The following PDCD11 variants were observed in gnomAD, a reference collection of about 807,000 sequenced individuals.
PDCD11 encodes the protein programmed cell death 11.
In PDCD11, 97 loss-of-function variants were observed where a neutral mutation model predicts 198.9. The ratio of observed to expected loss-of-function variants is 0.49; its 90% CI spans 0.41 to 0.58. The LOEUF is 0.58. PDCD11 is among the 20% of genes least tolerant of loss of function. PDCD11 has a pLI of 0.00. For synonymous variants in PDCD11, 893 were observed against 918.0 expected, an observed-to-expected ratio of 0.97 and a Z score of 0.49; for missense variants, 2,102 against 2,312.7, an observed-to-expected ratio of 0.91 and a Z score of 1.87.
At chr10:103,413,395 G>C (rs1488645934) in intron 9 of PDCD11, 73 bp downstream of exon 9, 8 of 1,225,426 alleles carry the variant, frequency 6.5e-6, no homozygotes, top group Non-Finnish European at 9.4e-6. Context: ...GGCCATTTCT[G>C]CTTCTTTCAT....
At chr10:103,445,223 A>C (rs1196177252) in intron 35 of PDCD11, among the ~76,000 whole-genome samples, 155 bp from the exon 36 acceptor site, 1 of 152,128 alleles carries the variant, frequency 6.6e-6, no homozygotes, top group Non-Finnish European at 1.5e-5. Flanking sequence ...GCATCATGGG[A>C]GTTCATCATG....
At position 103,396,685 on chromosome 10, in the gene PDCD11, C is replaced by T. The variant is rs1170033969; in HGVS notation, c.-57C>T. 1 of 152,402 alleles carries T rather than the reference C, an allele frequency of 6.6e-6. No individual in the cohort carries two copies. The highest frequency in any genetic ancestry group is 1.5e-5 in the Non-Finnish European group (1 of 68,232). 9.4% of individuals were successfully genotyped at this position (152,402 alleles called of 1,614,324 possible). A position where few individuals can be genotyped will look rare whatever the true frequency, so the allele number is the denominator to read the frequency against. Reference sequence around the variant, plus strand: ...TCCTGGTCTCCGCGTGTGTGAGTACCGCGGCGCGAGGTTAGTGGTAGCTGG... The same window carrying T: ...TCCTGGTCTCCGCGTGTGTGAGTACTGCGGCGCGAGGTTAGTGGTAGCTGG... On this transcript the variant is annotated 5_prime_UTR_variant, in exon 1 of 36. Transcript: ENST00000369797.
At position 103,434,935 on chromosome 10, in the gene PDCD11, G is replaced by A. The variant is rs754752753; in HGVS notation, c.3805G>A (p.Glu1269Lys). The A allele has an allele frequency of 2.7e-5, 43 of 1,593,384 alleles. No individual in the cohort carries two copies. The highest frequency in any genetic ancestry group is 3.6e-5 in the Non-Finnish European group (42 of 1,170,128). The change falls in exon 25 of 36, where the codon GAG becomes AAG. Residue 1269 changes from glutamate (E) to lysine (K), a missense_variant. Glu to Lys is a moderately conservative substitution (Grantham distance 56, BLOSUM62 1). Coordinates refer to ENST00000369797, the MANE Select transcript of PDCD11 (RefSeq NM_014976.2). The stretch of plus-strand genomic sequence containing the variant: ...ATTTCACATGAGTGACTCCTACTCC[G>A]AGACGCCCCTGGAAGACTTCGTCCC... ...SIFHMSDSYSETPLEDFVPQK... is the reference protein window; with the variant it reads ...SIFHMSDSYSKTPLEDFVPQK...
intron 34 of PDCD11, 23 bp from the exon 35 acceptor site, chr10:103,444,494 T>C: frequency 6.2e-7 from 1 of 1,612,324 alleles, no homozygotes. Flanking sequence ...TTGTTGGGTC[T>C]CTGAGCAGTC....
chr10:103,442,303 C>CG lies in PDCD11; in HGVS notation c.4800dup (p.Gln1601AlafsTer7). The CG allele has an allele frequency of 1.2e-6, 2 of 1,614,202 alleles. No homozygotes were observed. The highest frequency in any genetic ancestry group is 2.7e-5 in the African/African-American group (2 of 75,058). The stretch of plus-strand genomic sequence containing the variant: ...TGAGGAGGCGCTGATGGATCCTGGG[C>CG]GGCAGCCAGAGTCCGCGGATGATTT... On this transcript the variant is annotated frameshift_variant, in exon 32 of 36. Coordinates refer to ENST00000369797, the MANE Select transcript of PDCD11 (RefSeq NM_014976.2). LOFTEE classifies it high-confidence loss of function.
chr10:103,419,811 A>C (rs2031323783), intron 16 of PDCD11, 103 bp downstream of exon 16: 1 of 1,033,184 alleles, frequency 9.7e-7, no homozygotes, highest in Non-Finnish European at 1.4e-6. Context: ...TTTTTTTTTG[A>C]GACAGTCTTG....
intron 17 of PDCD11, among the ~76,000 whole-genome samples, chr10:103,421,944 G>A (rs1480745704): frequency 2.0e-4 from 28 of 142,898 alleles, no homozygotes; most frequent in African/African-American, 3.2e-4. Context: ...CCCGCAGTCC[G>A]GCCTGGGTGA....
At chr10:103,397,917 C>G (rs2093445694) in intron 1 of PDCD11, among the ~76,000 whole-genome samples, 1 of 152,208 alleles carries the variant, frequency 6.6e-6, no homozygotes, top group Non-Finnish European at 1.5e-5. Context: ...TGTCAAGCTT[C>G]TGTTCATCTT....
At position 103,406,000 on chromosome 10, in the gene PDCD11, G is replaced by A. The variant is rs1342517880; in HGVS notation, c.580G>A (p.Val194Ile). ...TCTTCCCCAGCTACTTACAGGTACC[G>A]TATCCAGCCTGGAAGACCATGGCTA... ...LKPGMLLTGT[V>I]SSLEDHGYLV... is the part of the protein sequence containing the mutation. Residue 194 changes from valine to isoleucine, a missense_variant, in exon 6 of 36, where the codon GTA becomes ATA. Val to Ile is a conservative substitution (Grantham distance 29). Coordinates refer to ENST00000369797, the MANE Select transcript of PDCD11 (RefSeq NM_014976.2). 3.7e-6 allele frequency: 6 copies of A among 1,613,980 alleles called. No homozygotes were observed. The highest frequency in any genetic ancestry group is 3.3e-4 in the Middle Eastern group (2 of 6,062).
chr10:103,421,443 G>C lies in PDCD11; in HGVS notation c.2373G>C (p.Gln791His). ...AKVTNVDEEK[Q>H]RMLLSLRLSD... is the part of the protein sequence containing the mutation. ...TGACCAATGTGGATGAGGAGAAGCAGCGGATGCTGCTGTCACTGCGGCTGT... is the reference window on the plus strand; with the variant it reads ...TGACCAATGTGGATGAGGAGAAGCACCGGATGCTGCTGTCACTGCGGCTGT... Residue 791 changes from glutamine (Q) to histidine (H), a missense_variant, in exon 17 of 36, where the codon CAG (glutamine) becomes CAC (histidine). Physicochemically the swap from Gln to His is conservative, Grantham distance 24. Transcript: ENST00000369797. The C allele has an allele frequency of 1.9e-6, 3 of 1,605,940 alleles. No homozygotes were observed. The highest frequency in any genetic ancestry group is 2.6e-6 in the Non-Finnish European group (3 of 1,176,240).
intron 7 of PDCD11, among the ~76,000 whole-genome samples, chr10:103,407,999 G>T (rs1172320004): frequency 6.6e-6 from 1 of 152,100 alleles, no homozygotes; most frequent in African/African-American, 2.4e-5. Flanking sequence ...GATTACAGGT[G>T]TGAGCCACCA....
intron 16 of PDCD11, among the ~76,000 whole-genome samples, chr10:103,420,937 G>A (rs2031387569): frequency 2.0e-5 from 3 of 151,548 alleles, no homozygotes; most frequent in South Asian, 2.1e-4. Flanking sequence ...GTGCAGTGGC[G>A]CAATCTCGGC....
Position 103,434,968 on chromosome 10 carries a change from G to T in PDCD11, c.3838G>T (p.Val1280Phe). 6.4e-7 allele frequency: 1 copy of T among 1,553,186 alleles called. No homozygotes were observed. Among genetic ancestry groups the T allele is most frequent in the Non-Finnish European group, 8.7e-7 (1 of 1,147,162 alleles). ...TPLEDFVPQKVVRCYILSTAD... is the reference protein window; with the variant it reads ...TPLEDFVPQKFVRCYILSTAD... ...CCTGGAAGACTTCGTCCCCCAGAAG[G>T]TTGTCAGGTAAGCGAAGTGTTCTTC... The change falls in exon 25 of 36, where the codon GTT (valine) becomes TTT (phenylalanine). Residue 1280 changes from valine to phenylalanine, a missense_variant. Val to Phe is a conservative substitution (Grantham distance 50). Coordinates refer to ENST00000369797, the MANE Select transcript of PDCD11 (RefSeq NM_014976.2).
At chr10:103,416,124 G>A (rs1269708915) in intron 12 of PDCD11, among the ~76,000 whole-genome samples, 1 of 152,144 alleles carries the variant, frequency 6.6e-6, no homozygotes, top group Non-Finnish European at 1.5e-5. Flanking sequence ...GTACTAAGGT[G>A]GTAAATTGGT....
At chr10:103,434,063 A>G in intron 23 of PDCD11, 26 bp downstream of exon 23, 1 of 1,569,078 alleles carries the variant, frequency 6.4e-7, no homozygotes, top group Admixed American at 1.7e-5. Context: ...ATCCCTGGAG[A>G]GGGGACCCAA....
At chr10:103,434,686 G>A in intron 24 of PDCD11, 112 bp from the exon 25 acceptor site, 1 of 833,594 alleles carries the variant, frequency 1.2e-6, no homozygotes, top group Non-Finnish European at 1.8e-6. Context: ...ACTCAGCCCA[G>A]ATACCCCAAG....
At position 103,446,053 on chromosome 10, in the gene PDCD11, G is replaced by A. The variant is rs370607541; in HGVS notation, c.*504G>A. ...GCCCTTTAGGGGAGGCTATGAGTCT[G>A]GGACAGGAGGACAAATTCAGAGCCC... On this transcript the variant is annotated 3_prime_UTR_variant, in exon 36 of 36. Coordinates refer to ENST00000369797, the MANE Select transcript of PDCD11 (RefSeq NM_014976.2). 1 of 155,946 alleles carries A rather than the reference G, an allele frequency of 6.4e-6. No homozygotes were observed. The highest frequency in any genetic ancestry group is 1.9e-4 in the East Asian group (1 of 5,340). 9.7% of individuals were successfully genotyped at this position (155,946 alleles called of 1,614,324 possible). A position where few individuals can be genotyped will look rare whatever the true frequency, so the allele number is the denominator to read the frequency against.
rs769803088 is a variant in PDCD11 at position 103,425,491 on chromosome 10, C to G, written c.3271C>G (p.Arg1091Gly). The change falls in exon 20 of 36, where the codon CGA (arginine) becomes GGA (glycine). Residue 1091 changes from arginine (R) to glycine (G), a missense_variant. Physicochemically the swap from Arg to Gly is moderately radical, Grantham distance 125. Coordinates refer to ENST00000369797, the MANE Select transcript of PDCD11 (RefSeq NM_014976.2). The stretch of plus-strand genomic sequence containing the variant: ...GAAGGTTGGGAAGACGGTCACTGCC[C>G]GAGTGATTGGCGGGCGAGACATGAA... ...KLKVGKTVTA[R>G]VIGGRDMKTF... is the part of the protein sequence containing the mutation. The G allele has an allele frequency of 1.1e-5, 18 of 1,611,658 alleles. No homozygotes were observed. Among genetic ancestry groups the G allele is most frequent in the Non-Finnish European group, 1.5e-5 (18 of 1,178,132 alleles).
intron 7 of PDCD11, among the ~76,000 whole-genome samples, chr10:103,407,498 G>A (rs2030530897): frequency 6.6e-6 from 1 of 152,004 alleles, no homozygotes; most frequent in Non-Finnish European, 1.5e-5. Context: ...AGGAGGTGGA[G>A]CTTGCAGTGA....
Sources: gnomAD v4.1 joint callset for allele counts (sites outside exome capture counted in the v4.1 genomes callset) on GRCh38, gnomAD v4.1.1 for gene constraint, MANE v1.5 for transcripts, NCBI Gene and HGNC (gene_info 2026-07-23, HGNC 2026-07-21) for gene names.